The following SLC6A19 variants were observed in gnomAD, a reference collection of about 807,000 sequenced individuals.
SLC6A19 encodes the protein sodium-dependent neutral amino acid transporter B(0)AT1.
Under a neutral mutation model 68.3 loss-of-function variants are expected in SLC6A19, and 67 were observed. That is an observed-to-expected ratio of 0.98 (90% CI 0.81 to 1.20). The LOEUF (loss-of-function observed/expected upper bound fraction) is 1.20. Ranked by LOEUF, SLC6A19 falls within the 50% of genes most tolerant of loss-of-function variation. The pLI is 0.00. For synonymous variants in SLC6A19, 392 were observed against 374.9 expected (o/e 1.05, Z -0.53); for missense variants, 813 against 851.6 (o/e 0.95, Z 0.56).
intron 1 of SLC6A19, among the ~76,000 whole-genome samples, chr5:1,204,110 C>A (rs1010874618): frequency 6.6e-6 from 1 of 152,216 alleles, no homozygotes; most frequent in Non-Finnish European, 1.5e-5. Context: ...CTAATTGATG[C>A]GGGTCATCGA....
intron 10 of SLC6A19, 129 bp downstream of exon 10, chr5:1,219,793 C>A (rs1303470745): frequency 6.2e-6 from 8 of 1,288,584 alleles, no homozygotes; most frequent in Non-Finnish European, 8.8e-6. Context: ...CCTCGGCCGG[C>A]CACAGAGGCT....
intron 7 of SLC6A19, 26 bp from the exon 8 acceptor site, chr5:1,216,763 G>A (rs1290863191): frequency 6.2e-7 from 1 of 1,613,676 alleles, no homozygotes; most frequent in Non-Finnish European, 8.5e-7. Flanking sequence ...GCCCCAGGTG[G>A]CCGTCAGCCT....
At chr5:1,218,217 G>T (rs533610923) in intron 8 of SLC6A19, among the ~76,000 whole-genome samples, 25 of 152,232 alleles carry the variant, frequency 1.6e-4, no homozygotes, top group African/African-American at 5.5e-4. Context: ...TGTGTTAAGC[G>T]GCCGTGGAGG....
chr5:1,219,985 T>C lies in SLC6A19; in HGVS notation c.1538+321T>C, dbSNP rs1015499225. On this transcript the variant is annotated intron_variant, in intron 10 of 11. Transcript: ENST00000304460. ...CACGGCCGGGGATGCTCCTTGTGTG[T>C]GTGTGTGTGCAGGGGGGTGGGGAGT... Among the ~76,000 whole-genome samples the C allele has an allele frequency of 5.9e-5, 9 of 152,128 alleles. No individual in the cohort carries two copies. In the South Asian group the frequency reaches 6.2e-4, roughly 11 times the overall value.
In SLC6A19 at chr5:1,212,851, C is replaced by A. The variant is rs1746082380; in HGVS notation, c.663+367C>A. Reference sequence around the variant, plus strand: ...AAATGGAAGAGTAAGGCTTGATCTTCCCCTACATGGGAATCTTTGGTACGA... The same window carrying A: ...AAATGGAAGAGTAAGGCTTGATCTTACCCTACATGGGAATCTTTGGTACGA... On this transcript the variant is annotated intron_variant, in intron 4 of 11. Transcript: ENST00000304460. The surrounding 1 kb of genome is among the most constrained non-coding windows in gnomAD (Gnocchi z 5.1). 6.6e-6 allele frequency among the ~76,000 whole-genome samples: 1 copy of A among 152,084 alleles called. No individual in the cohort carries two copies. Among genetic ancestry groups the A allele is most frequent in the Non-Finnish European group, 1.5e-5 (1 of 67,994 alleles).
intron 8 of SLC6A19, among the ~76,000 whole-genome samples, chr5:1,218,585 G>A (rs1378388841): frequency 6.6e-6 from 1 of 152,242 alleles, no homozygotes; most frequent in African/African-American, 2.4e-5. Context: ...AACACCTTGG[G>A]TACGTGGCTC....
chr5:1,213,088 A>T (rs1476825820), intron 4 of SLC6A19, among the ~76,000 whole-genome samples: 1 of 81,094 alleles, frequency 1.2e-5, no homozygotes, highest in Non-Finnish European at 2.4e-5. Flanking sequence ...CACCCGTCCC[A>T]CATGCTCGGC....
At chr5:1,220,586 G>A (rs1163357016) in intron 10 of SLC6A19, among the ~76,000 whole-genome samples, 3 of 152,156 alleles carry the variant, frequency 2.0e-5, no homozygotes, top group Admixed American at 2.0e-4. Context: ...CCTAAATGTG[G>A]AGCACGTGAG....
chr5:1,216,472 T>G (rs1358412043), intron 6 of SLC6A19, 86 bp from the exon 7 acceptor site: 2 of 1,598,736 alleles, frequency 1.3e-6, no homozygotes, highest in African/African-American at 1.3e-5. Context: ...GGGCTGGCGC[T>G]CTGGGCGGGA....
intron 9 of SLC6A19, 42 bp from the exon 10 acceptor site, chr5:1,219,463 C>T (rs1470225641): frequency 3.7e-6 from 6 of 1,605,448 alleles, no homozygotes; most frequent in Admixed American, 1.7e-5. Context: ...GCCGTGCGTG[C>T]AGCCCCTGGG....
In SLC6A19 at chr5:1,210,462, C is replaced by A. The variant is rs760158587; in HGVS notation, c.362C>A (p.Thr121Lys). Residue 121 changes from threonine to lysine, a missense_variant, in exon 3 of 12, where the codon ACG becomes AAG. Physicochemically the swap from Thr to Lys is moderately conservative, Grantham distance 78. Coordinates refer to ENST00000304460, the MANE Select transcript of SLC6A19 (RefSeq NM_001003841.3). ...CCTGCAGGCCTGGCCTCCATGCTCA[C>A]GTCCTTCATGGTGGGACTGTATTAC... ...LKGLGLASML[T>K]SFMVGLYYNT... 2 of 1,613,278 alleles carry A rather than the reference C, an allele frequency of 1.2e-6. No individual in the cohort carries two copies. The highest frequency in any genetic ancestry group is 1.7e-6 in the Non-Finnish European group (2 of 1,180,024).
At position 1,210,462 on chromosome 5, in the gene SLC6A19, C is replaced by T. The variant is rs760158587; in HGVS notation, c.362C>T (p.Thr121Met). The T allele has an allele frequency of 6.8e-6, 11 of 1,613,160 alleles. No individual in the cohort carries two copies. The highest frequency in any genetic ancestry group is 2.2e-5 in the East Asian group (1 of 44,888). Reference protein sequence around the residue: ...LKGLGLASMLTSFMVGLYYNT... With the variant: ...LKGLGLASMLMSFMVGLYYNT... ...CCTGCAGGCCTGGCCTCCATGCTCA[C>T]GTCCTTCATGGTGGGACTGTATTAC... The change falls in exon 3 of 12, where the codon ACG becomes ATG. Residue 121 changes from threonine to methionine, a missense_variant. Transcript: ENST00000304460.
intron 8 of SLC6A19, 85 bp from the exon 9 acceptor site, chr5:1,218,818 C>T: frequency 6.9e-7 from 1 of 1,448,930 alleles, no homozygotes; most frequent in Non-Finnish European, 9.5e-7. Flanking sequence ...TGCTGCGTGG[C>T]TTGGCGACGC....
At chr5:1,221,029 T>C (rs909255679) in intron 10 of SLC6A19, 122 bp from the exon 11 acceptor site, 6 of 1,284,242 alleles carry the variant, frequency 4.7e-6, no homozygotes, top group Non-Finnish European at 6.5e-6. Context: ...GATCGGGCCC[T>C]GGCAAGGGGA....
chr5:1,211,656 ATG>A (rs1468632638), intron 3 of SLC6A19, among the ~76,000 whole-genome samples: 1 of 151,634 alleles, frequency 6.6e-6, no homozygotes, highest in African/African-American at 2.4e-5. Context: ...GTGTGCATGC[ATG>A]TGTGTGCACG....
intron 1 of SLC6A19, among the ~76,000 whole-genome samples, chr5:1,204,912 A>T (rs1465141851): frequency 8.0e-6 from 1 of 124,650 alleles, no homozygotes; most frequent in Non-Finnish European, 2.0e-5. Context: ...CCTGCTGGAG[A>T]GAGAAAAAAG....
Position 1,213,825 on chromosome 5 carries a change from A to T in SLC6A19, c.775-128A>T, listed in dbSNP as rs944508864. The T allele has an allele frequency of 7.5e-6, 11 of 1,469,184 alleles. No homozygotes were observed. The Admixed American group carries it at 1.8e-4, about 24-fold the overall frequency. 91.0% of individuals were successfully genotyped at this position (1,469,184 alleles called of 1,614,324 possible). A position where few individuals can be genotyped will look rare whatever the true frequency, so the allele number is the denominator to read the frequency against. On this transcript the variant is annotated intron_variant, in intron 5 of 11. Coordinates refer to ENST00000304460, the MANE Select transcript of SLC6A19 (RefSeq NM_001003841.3). ...ACAGGGAAGGCATAGCTGCCACCCCAGGGGGCCCTGGCCTGTCCTGACCAC... is the reference window on the plus strand; with the variant it reads ...ACAGGGAAGGCATAGCTGCCACCCCTGGGGGCCCTGGCCTGTCCTGACCAC...
Position 1,209,439 on chromosome 5 carries a change from G to C in SLC6A19, c.343+553G>C, listed in dbSNP as rs1037032623. On this transcript the variant is annotated intron_variant, in intron 2 of 11. Transcript: ENST00000304460. This position sits in a 1 kb window ranked among gnomAD's most constrained non-coding sequence, Gnocchi z 5.5. Reference sequence around the variant, plus strand: ...ACTCCAGAGAGGAGTCTGAGTCCAGGAAGCACCTGCCCTTCGGAAGCCTGC... The same window carrying C: ...ACTCCAGAGAGGAGTCTGAGTCCAGCAAGCACCTGCCCTTCGGAAGCCTGC... Among the ~76,000 whole-genome samples, 2 of 152,090 alleles carry C rather than the reference G, an allele frequency of 1.3e-5. No individual in the cohort carries two copies. The highest frequency in any genetic ancestry group is 4.8e-5 in the African/African-American group (2 of 41,404).
In SLC6A19 at chr5:1,216,239, G is replaced by A. The variant is rs190622768; in HGVS notation, c.888-319G>A. On this transcript the variant is annotated intron_variant, in intron 6 of 11. Transcript: ENST00000304460. ...CCCTAGAGGCTTGACGGAGGTTACC[G>A]CAGGCACAAGACGGGGCGGAAAGAG... Among the ~76,000 whole-genome samples, 44 of 152,326 alleles carry A rather than the reference G, an allele frequency of 2.9e-4. No individual in the cohort carries two copies. In the South Asian group the frequency reaches 6.8e-3, roughly 24 times the overall value.
Sources: allele counts gnomAD v4.1 joint callset (sites outside exome capture counted in the v4.1 genomes callset), GRCh38; gene constraint gnomAD v4.1.1; non-coding constraint Gnocchi (gnomAD v3.1); transcripts MANE v1.5; gene names NCBI Gene and HGNC (gene_info 2026-07-23, HGNC 2026-07-21).